The following MACROD2 variants were observed in gnomAD, a reference collection of about 807,000 sequenced individuals.
The protein encoded by MACROD2 is mono-ADP ribosylhydrolase 2, also known as ADP-ribose glycohydrolase MACROD2.
Under a neutral mutation model 70.4 loss-of-function variants are expected in MACROD2, and 36 were observed. That is an observed-to-expected ratio of 0.51 (90% CI 0.39 to 0.68). The LOEUF is 0.68. Ranked by LOEUF, MACROD2 falls within the 30% of genes least tolerant of loss-of-function variation. The probability of loss-of-function intolerance (pLI) is 0.00; values close to 1 mark genes in which losing one functional copy is unlikely to be tolerated. For synonymous variants in MACROD2, 172 were observed against 178.8 expected, an observed-to-expected ratio of 0.96 and a Z score of 0.30; for missense variants, 496 against 538.4, an observed-to-expected ratio of 0.92 and a Z score of 0.78.
intron 6 of MACROD2, among the ~76,000 whole-genome samples, chr20:15,417,698 G>A (rs7268071): frequency 0.13 from 19,787 of 151,380 alleles, 1,492 homozygotes; most frequent in South Asian, 0.27. Flanking sequence ...GAGGTTGTTC[G>A]AAATGCAAAT....
chr20:15,169,236 G>A (rs2096568968), intron 5 of MACROD2, among the ~76,000 whole-genome samples: 1 of 152,136 alleles, frequency 6.6e-6, no homozygotes, highest in Non-Finnish European at 1.5e-5. Flanking sequence ...TGTATTTCAT[G>A]CTAAGAATGC....
intron 8 of MACROD2, among the ~76,000 whole-genome samples, chr20:15,695,720 C>T (rs1035171992): frequency 2.0e-5 from 3 of 152,044 alleles, no homozygotes; most frequent in African/African-American, 7.2e-5. Flanking sequence ...TCTTTGATTT[C>T]TTTCAGCAGT....
intron 7 of MACROD2, among the ~76,000 whole-genome samples, chr20:15,469,898 A>G (rs890025423): frequency 2.0e-5 from 3 of 151,786 alleles, no homozygotes; most frequent in Admixed American, 1.3e-4. Flanking sequence ...CTTTATTTCC[A>G]CTTTCTAGAG....
chr20:15,481,341 T>C (rs950004769), intron 7 of MACROD2, among the ~76,000 whole-genome samples: 1 of 152,238 alleles, frequency 6.6e-6, no homozygotes, highest in African/African-American at 2.4e-5. Context: ...TGGAAATGAC[T>C]GAATGACTGA....
intron 8 of MACROD2, among the ~76,000 whole-genome samples, chr20:15,661,275 G>T (rs768330031): frequency 6.6e-6 from 1 of 152,154 alleles, no homozygotes; most frequent in African/African-American, 2.4e-5. Flanking sequence ...AAAGAAAAGA[G>T]GTTTGTATGG....
At chr20:15,474,741 C>T (rs1286239183) in intron 7 of MACROD2, among the ~76,000 whole-genome samples, 3 of 152,134 alleles carry the variant, frequency 2.0e-5, no homozygotes, top group Non-Finnish European at 4.4e-5. Flanking sequence ...GAAAGTAGTT[C>T]GTTCTTAGGG....
intron 5 of MACROD2, among the ~76,000 whole-genome samples, chr20:15,125,298 C>A (rs771014803): frequency 1.3e-5 from 2 of 152,056 alleles, no homozygotes; most frequent in African/African-American, 2.4e-5. Flanking sequence ...GCCTTAAACT[C>A]TCTTCCCCAA....
chr20:15,198,499 A>T (rs1028769040), intron 5 of MACROD2, among the ~76,000 whole-genome samples: 2 of 152,080 alleles, frequency 1.3e-5, no homozygotes, highest in Non-Finnish European at 2.9e-5. Context: ...TATTTTTTAT[A>T]CCTATTTATT....
chr20:14,107,965 GA>G (rs1439660913), intron 3 of MACROD2, among the ~76,000 whole-genome samples: 1 of 151,966 alleles, frequency 6.6e-6, no homozygotes, highest in African/African-American at 2.4e-5. Context: ...ATAGCGCACA[GA>G]AAAACAGAAT....
intron 8 of MACROD2, among the ~76,000 whole-genome samples, chr20:15,820,204 G>T (rs560915356): frequency 6.6e-6 from 1 of 152,142 alleles, no homozygotes; most frequent in African/African-American, 2.4e-5. Flanking sequence ...AGGAGTAGGG[G>T]GTGGGGGCGA....
At chr20:15,955,254 C>T (rs1372765088) in intron 12 of MACROD2, among the ~76,000 whole-genome samples, 1 of 152,058 alleles carries the variant, frequency 6.6e-6, no homozygotes, top group Non-Finnish European at 1.5e-5. Flanking sequence ...GATCCATGAC[C>T]CACTCATTAA....
At chr20:15,098,414 G>GC (rs927227013) in intron 5 of MACROD2, among the ~76,000 whole-genome samples, 7 of 152,026 alleles carry the variant, frequency 4.6e-5, no homozygotes, top group Admixed American at 2.6e-4. Flanking sequence ...CCCTTACTCT[G>GC]CCTACATTTT....
chr20:14,773,916 T>C (rs1255538183), intron 5 of MACROD2, among the ~76,000 whole-genome samples: 1 of 152,112 alleles, frequency 6.6e-6, no homozygotes, highest in African/African-American at 2.4e-5. Flanking sequence ...AATGTCTTTT[T>C]TAAAACTATG....
intron 3 of MACROD2, among the ~76,000 whole-genome samples, chr20:14,450,083 A>C (rs1223590698): frequency 6.6e-6 from 1 of 152,156 alleles, no homozygotes; most frequent in African/African-American, 2.4e-5. Flanking sequence ...TATAAAAAAC[A>C]AAAAAGACAA....
chr20:14,924,385 G>A (rs2074202851), intron 5 of MACROD2, among the ~76,000 whole-genome samples: 1 of 151,878 alleles, frequency 6.6e-6, no homozygotes, highest in Non-Finnish European at 1.5e-5. Flanking sequence ...GTTGCTGTGA[G>A]CCGAAATCAT....
intron 15 of MACROD2, among the ~76,000 whole-genome samples, chr20:16,011,082 A>G (rs996606968): frequency 6.6e-6 from 1 of 152,150 alleles, no homozygotes; most frequent in African/African-American, 2.4e-5. Flanking sequence ...CTGTGCTGAG[A>G]CTGTGTTGGT....
intron 5 of MACROD2, among the ~76,000 whole-genome samples, chr20:15,006,280 A>T (rs1208692128): frequency 1.3e-5 from 2 of 151,872 alleles, no homozygotes; most frequent in Non-Finnish European, 2.9e-5. Flanking sequence ...CCATGACCTC[A>T]CTTTAATGTG....
chr20:15,907,123 G>C (rs530757839), intron 10 of MACROD2, among the ~76,000 whole-genome samples: 82 of 152,248 alleles, frequency 5.4e-4, no homozygotes, highest in Non-Finnish European at 1.0e-3. Flanking sequence ...TAACGCCTTA[G>C]CCTTGGTACC....
At chr20:14,799,836 A>G (rs1351304994) in intron 5 of MACROD2, among the ~76,000 whole-genome samples, 1 of 152,074 alleles carries the variant, frequency 6.6e-6, no homozygotes, top group Non-Finnish European at 1.5e-5. Flanking sequence ...CCATTAACTT[A>G]CAGGGTCAAG....
Sources: gnomAD v4.1 joint callset for allele counts (sites outside exome capture counted in the v4.1 genomes callset) on GRCh38, gnomAD v4.1.1 for gene constraint, MANE v1.5 for transcripts, NCBI Gene and HGNC (gene_info 2026-07-23, HGNC 2026-07-21) for gene names.